The following NIPBL variants were observed in gnomAD, a reference collection of about 807,000 sequenced individuals.
NIPBL encodes NIPBL cohesin loading factor, also known as nipped-B-like protein.
A neutral mutation model predicts 321.8 loss-of-function variants in NIPBL; 19 were observed. That is an observed-to-expected ratio of 0.06 (90% CI 0.04 to 0.09). The LOEUF (loss-of-function observed/expected upper bound fraction) is 0.09, where lower values mean the gene tolerates loss of function less well. NIPBL is among the 10% of genes least tolerant of loss of function. NIPBL has a pLI of 1.00. For missense variants in NIPBL, 2,210 were observed against 3,327.0 expected, an observed-to-expected ratio of 0.66 and a Z score of 8.26; for synonymous variants, 1,106 against 1,114.1, an observed-to-expected ratio of 0.99 and a Z score of 0.14.
At chr5:37,042,327 C>T (rs1206206710) in intron 34 of NIPBL, among the ~76,000 whole-genome samples, 4 of 151,658 alleles carry the variant, frequency 2.6e-5, no homozygotes, top group East Asian at 1.9e-4. Flanking sequence ...CCCAGCTCCT[C>T]GACAGGCTAA....
chr5:37,050,973 G>A (rs1753477685), intron 40 of NIPBL: 1 of 152,242 alleles, frequency 6.6e-6, no homozygotes. Flanking sequence ...GAGACTACAG[G>A]TGTGCGCCAC....
intron 45 of NIPBL, 125 bp from the exon 46 acceptor site, chr5:37,063,665 A>G: frequency 1.1e-6 from 1 of 918,306 alleles, no homozygotes; most frequent in East Asian, 2.6e-5. Flanking sequence ...CTAGCCCCTA[A>G]TTTAGATGAT....
chr5:36,962,609 AC>A (rs1741755240), intron 6 of NIPBL, among the ~76,000 whole-genome samples: 1 of 152,210 alleles, frequency 6.6e-6, no homozygotes, highest in Non-Finnish European at 1.5e-5. Context: ...AGGGACAATT[AC>A]ATTTTAATTG....
rs751913459 is a variant in NIPBL, at chr5:36,985,076, G to C, written c.1896G>C (p.Glu632Asp). 2.8e-5 allele frequency: 45 copies of C among 1,613,742 alleles called. No homozygotes were observed. Among genetic ancestry groups the C allele is most frequent in the African/African-American group, 8.0e-5 (6 of 74,886 alleles). ...AACCAAATGAAAACCGATTGGTGGA[G>C]ACAAAATCAAGTGAAAATAAGTTAG... ...ESKPNENRLV[E>D]TKSSENKLET... Residue 632 changes from glutamate (E) to aspartate (D), a missense_variant, in exon 10 of 47, where the codon GAG (glutamate) becomes GAC (aspartate). Transcript: ENST00000282516.
chr5:36,912,867 C>A (rs548888273), intron 1 of NIPBL, among the ~76,000 whole-genome samples: 1 of 151,916 alleles, frequency 6.6e-6, no homozygotes, highest in Non-Finnish European at 1.5e-5. Context: ...GTATTTGTTA[C>A]GGTTTACTTT....
At chr5:37,008,154 C>A in intron 19 of NIPBL, 66 bp downstream of exon 19, 1 of 1,061,406 alleles carries the variant, frequency 9.4e-7, no homozygotes, top group Non-Finnish European at 1.5e-6. Flanking sequence ...TCATTTAATC[C>A]AAATTTCCAA....
intron 1 of NIPBL, among the ~76,000 whole-genome samples, chr5:36,926,939 G>T (rs183485296): frequency 6.6e-6 from 1 of 152,116 alleles, no homozygotes; most frequent in Non-Finnish European, 1.5e-5. Context: ...ACAGTTATTA[G>T]AATCAGAGCA....
At chr5:37,010,593 A>G (rs1748006105) in intron 21 of NIPBL, among the ~76,000 whole-genome samples, 1 of 152,204 alleles carries the variant, frequency 6.6e-6, no homozygotes, top group African/African-American at 2.4e-5. Context: ...GGTGGGAGCC[A>G]CTGCGCCTGG....
intron 16 of NIPBL, 54 bp downstream of exon 16, chr5:37,003,401 A>G (rs1443647280): frequency 7.1e-6 from 7 of 992,530 alleles, no homozygotes; most frequent in Admixed American, 1.8e-5. Context: ...TAAGATCTAT[A>G]GTAGTCCCCC....
At chr5:37,016,977 T>C (rs1273438488) in intron 23 of NIPBL, 42 bp from the exon 24 acceptor site, 1 of 1,272,738 alleles carries the variant, frequency 7.9e-7, no homozygotes, top group East Asian at 2.6e-5. Context: ...TTAAAATATA[T>C]TGTTATAAAT....
At chr5:36,923,118 A>AT (rs1749078799) in intron 1 of NIPBL, among the ~76,000 whole-genome samples, 1 of 152,070 alleles carries the variant, frequency 6.6e-6, no homozygotes, top group African/African-American at 2.4e-5. Context: ...AAATTACAAA[A>AT]TTTTTGTAAT....
At chr5:36,937,073 T>C (rs1426425225) in intron 1 of NIPBL, among the ~76,000 whole-genome samples, 1 of 152,130 alleles carries the variant, frequency 6.6e-6, no homozygotes, top group Non-Finnish European at 1.5e-5. Context: ...GGCTTTCAGC[T>C]CCTGAAACTA....
At chr5:36,911,848 A>G (rs1748075228) in intron 1 of NIPBL, among the ~76,000 whole-genome samples, 1 of 152,230 alleles carries the variant, frequency 6.6e-6, no homozygotes, top group Admixed American at 6.5e-5. Context: ...AAAGCAATGT[A>G]TTGAAGAAGG....
chr5:36,997,465 A>T (rs1419437992), intron 11 of NIPBL, among the ~76,000 whole-genome samples: 1 of 152,182 alleles, frequency 6.6e-6, no homozygotes, highest in Non-Finnish European at 1.5e-5. Flanking sequence ...TGCAGCCACC[A>T]TTCTTTTCCC....
chr5:37,018,169 C>T (rs1749204684), intron 24 of NIPBL, among the ~76,000 whole-genome samples: 1 of 152,058 alleles, frequency 6.6e-6, no homozygotes, highest in Non-Finnish European at 1.5e-5. Context: ...TTTAACAAGC[C>T]CTCCAGGTGA....
At chr5:36,952,536 G>T (rs1477482155) in intron 1 of NIPBL, among the ~76,000 whole-genome samples, 1 of 152,102 alleles carries the variant, frequency 6.6e-6, no homozygotes, top group Non-Finnish European at 1.5e-5. Context: ...TTAAAGGAAA[G>T]ATAAATGTTT....
chr5:36,947,804 T>C (rs1257196356), intron 1 of NIPBL, among the ~76,000 whole-genome samples: 1 of 151,896 alleles, frequency 6.6e-6, no homozygotes, highest in African/African-American at 2.4e-5. Context: ...TTCCCCAGCA[T>C]CTCAGCATAT....
intron 1 of NIPBL, among the ~76,000 whole-genome samples, chr5:36,893,440 C>T (rs1223490171): frequency 2.0e-5 from 3 of 151,782 alleles, no homozygotes; most frequent in African/African-American, 7.3e-5. Flanking sequence ...AACAAATGTA[C>T]TTCATTTTGT....
Position 36,971,049 on chromosome 5 carries a change from T to C in NIPBL, c.771+13T>C, listed in dbSNP as rs757699004. ...GCTAAGTAGTGACGTATGTAATATA[T>C]TATCATTAAGGTGATAAAATAGTTC... is the stretch of plus-strand genomic sequence containing the variant. On this transcript the variant is annotated intron_variant, in intron 7 of 46. Transcript: ENST00000282516. 7 of 1,605,234 alleles carry C rather than the reference T, an allele frequency of 4.4e-6. No homozygotes were observed. Among genetic ancestry groups the C allele is most frequent in the Admixed American group, 1.7e-5 (1 of 59,976 alleles).
Sources: allele counts gnomAD v4.1 joint callset (sites outside exome capture counted in the v4.1 genomes callset), GRCh38; gene constraint gnomAD v4.1.1; transcripts MANE v1.5; gene names NCBI Gene and HGNC (gene_info 2026-07-23, HGNC 2026-07-21).